The following MDGA2 variants were observed in gnomAD, a reference collection of about 807,000 sequenced individuals.
MDGA2 encodes MAM domain-containing glycosylphosphatidylinositol anchor protein 2.
Under a neutral mutation model 117.8 loss-of-function variants are expected in MDGA2, and 40 were observed. The observed-to-expected ratio is 0.34, with a 90% CI of 0.26 to 0.44. MDGA2 has a LOEUF of 0.44. MDGA2 is among the 20% of genes least tolerant of loss of function. The pLI is 1.00. For synonymous variants in MDGA2, 452 were observed against 439.0 expected (o/e 1.03, Z -0.37); for missense variants, 1,123 against 1,250.6 (o/e 0.90, Z 1.54).
At chr14:47,441,807 G>C (rs1221138027) in intron 1 of MDGA2, among the ~76,000 whole-genome samples, 1 of 152,134 alleles carries the variant, frequency 6.6e-6, no homozygotes, top group Non-Finnish European at 1.5e-5. Context: ...TGAAGTTTTA[G>C]TGAAACTTAT....
intron 2 of MDGA2, among the ~76,000 whole-genome samples, chr14:47,264,470 G>A (rs1157425133): frequency 6.6e-6 from 1 of 152,100 alleles, no homozygotes; most frequent in South Asian, 2.1e-4. Flanking sequence ...AAAAAAGACA[G>A]AGTGAATTGG....
intron 3 of MDGA2, among the ~76,000 whole-genome samples, chr14:47,159,718 T>C (rs1044739092): frequency 1.3e-5 from 2 of 152,192 alleles, no homozygotes; most frequent in African/African-American, 2.4e-5. Flanking sequence ...GTGAACTTGA[T>C]TGGGCTTTCA....
At chr14:47,436,261 T>G (rs917173883) in intron 1 of MDGA2, among the ~76,000 whole-genome samples, 4 of 152,134 alleles carry the variant, frequency 2.6e-5, no homozygotes, top group African/African-American at 9.6e-5. Flanking sequence ...GGCTAAAGTT[T>G]ATATAATAGT....
Position 47,669,970 on chromosome 14 carries a change from A to G in MDGA2, c.280+4547T>C, listed in dbSNP as rs373600523. 4.6e-5 allele frequency among the ~76,000 whole-genome samples: 7 copies of G among 152,032 alleles called. No individual in the cohort carries two copies. In the East Asian group the frequency reaches 1.3e-3, roughly 29 times the overall value. On this transcript the variant is annotated intron_variant, in intron 1 of 16. Transcript: ENST00000399232. ...ATCCATGTCATTCTTATCCCTTCCT[A>G]TCCATCCAGATTCAACCCACTAAAA...
intron 1 of MDGA2, among the ~76,000 whole-genome samples, chr14:47,660,617 G>A (rs1299793698): frequency 3.9e-5 from 6 of 152,120 alleles, no homozygotes; most frequent in Non-Finnish European, 8.8e-5. Flanking sequence ...AACTCTGCGC[G>A]AAAAATGCCC....
At chr14:47,559,468 A>G (rs550410212) in intron 1 of MDGA2, among the ~76,000 whole-genome samples, 2 of 151,042 alleles carry the variant, frequency 1.3e-5, no homozygotes, top group East Asian at 3.9e-4. Context: ...TATGCATCAC[A>G]TTTTCTTTAT....
chr14:47,654,047 A>G (rs553878752), intron 1 of MDGA2, among the ~76,000 whole-genome samples: 1 of 152,326 alleles, frequency 6.6e-6, no homozygotes, highest in African/African-American at 2.4e-5. Context: ...CAAAAACAAA[A>G]GAAAACTAAC....
At chr14:47,222,059 T>C (rs1252384204) in intron 2 of MDGA2, among the ~76,000 whole-genome samples, 3 of 152,000 alleles carry the variant, frequency 2.0e-5, no homozygotes, top group Non-Finnish European at 4.4e-5. Flanking sequence ...TACAGTAAGA[T>C]ACAACACTTA....
chr14:47,283,323 GA>G (rs1296375956), intron 2 of MDGA2, among the ~76,000 whole-genome samples: 1 of 152,108 alleles, frequency 6.6e-6, no homozygotes, highest in East Asian at 1.9e-4. Context: ...TTTGGAAAGG[GA>G]TAGCATGAAT....
intron 8 of MDGA2, among the ~76,000 whole-genome samples, chr14:47,010,017 A>T (rs1318743908): frequency 6.6e-6 from 1 of 152,054 alleles, no homozygotes; most frequent in Admixed American, 6.6e-5. Context: ...AATTTAGACA[A>T]CACCTTACGG....
intron 3 of MDGA2, among the ~76,000 whole-genome samples, chr14:47,170,608 T>A (rs926453823): frequency 6.6e-6 from 1 of 152,188 alleles, no homozygotes; most frequent in Non-Finnish European, 1.5e-5. Context: ...TGAGCCACTA[T>A]GAACATTTTG....
intron 2 of MDGA2, among the ~76,000 whole-genome samples, chr14:47,242,662 G>C (rs1022545507): frequency 1.3e-5 from 2 of 151,804 alleles, no homozygotes; most frequent in African/African-American, 2.4e-5. Context: ...TTCTCGCTGG[G>C]CCTTGGCTGC....
intron 1 of MDGA2, among the ~76,000 whole-genome samples, chr14:47,618,029 C>G (rs892846608): frequency 6.6e-6 from 1 of 152,168 alleles, no homozygotes; most frequent in Non-Finnish European, 1.5e-5. Context: ...TTTTGCATCT[C>G]TTAGCTACAT....
At chr14:47,057,583 CAT>C (rs1389113055) in intron 7 of MDGA2, among the ~76,000 whole-genome samples, 1 of 119,718 alleles carries the variant, frequency 8.4e-6, no homozygotes, top group East Asian at 2.6e-4. Context: ...CTCCAAAACA[CAT>C]GAGGCCTCTC....
chr14:47,207,515 T>C (rs1216696361), intron 3 of MDGA2, among the ~76,000 whole-genome samples: 1 of 151,942 alleles, frequency 6.6e-6, no homozygotes, highest in Non-Finnish European at 1.5e-5. Context: ...TGGAATAAGA[T>C]AGTGGAAGTG....
intron 1 of MDGA2, among the ~76,000 whole-genome samples, chr14:47,670,188 A>T (rs2138316140): frequency 6.6e-6 from 1 of 152,218 alleles, no homozygotes; most frequent in Non-Finnish European, 1.5e-5. Context: ...AGCTTACTCT[A>T]TTTATTACTT....
At chr14:46,926,877 T>A (rs1439787097) in intron 9 of MDGA2, among the ~76,000 whole-genome samples, 1 of 152,052 alleles carries the variant, frequency 6.6e-6, no homozygotes. Flanking sequence ...AAAAAAAAGA[T>A]ATGTGATTTG....
intron 8 of MDGA2, among the ~76,000 whole-genome samples, chr14:47,011,079 CT>C (rs1451558150): frequency 6.6e-6 from 1 of 151,812 alleles, no homozygotes; most frequent in African/African-American, 2.4e-5. Context: ...AAGTAGATAA[CT>C]TTTTAGCATC....
chr14:46,848,928 T>C (rs539403501), intron 15 of MDGA2, among the ~76,000 whole-genome samples: 2 of 152,132 alleles, frequency 1.3e-5, no homozygotes, highest in African/African-American at 4.8e-5. Context: ...TTTCACCCCT[T>C]GGTGATACCG....
Sources: allele counts gnomAD v4.1 joint callset (sites outside exome capture counted in the v4.1 genomes callset), GRCh38; gene constraint gnomAD v4.1.1; transcripts MANE v1.5; gene names NCBI Gene and HGNC (gene_info 2026-07-23, HGNC 2026-07-21).